Variants in BAZ1B observed in about 807,000 individuals in gnomAD.
BAZ1B encodes bromodomain adjacent to zinc finger domain 1B.
BAZ1B carries 22 observed loss-of-function variants against 153.8 expected under a neutral mutation model. The ratio of observed to expected loss-of-function variants is 0.14; its 90% CI spans 0.10 to 0.20. BAZ1B has a LOEUF of 0.20. Ranked by LOEUF, BAZ1B falls within the 10% of genes least tolerant of loss-of-function variation. The probability of loss-of-function intolerance (pLI) is 1.00; values close to 1 mark genes in which losing one functional copy is unlikely to be tolerated. For missense variants in BAZ1B, 1,325 were observed against 1,799.3 expected (o/e 0.74, Z 4.77); for synonymous variants, 676 against 633.4 (o/e 1.07, Z -1.01).
chr7:73,444,733 G>C (rs1554565983), intron 16 of BAZ1B, among the ~76,000 whole-genome samples: 1 of 152,128 alleles, frequency 6.6e-6, no homozygotes, highest in East Asian at 1.9e-4. Flanking sequence ...AAAGAATATA[G>C]GCCGGGCGTT....
At chr7:73,448,446 A>G (rs782236556) in intron 15 of BAZ1B, among the ~76,000 whole-genome samples, 1 of 152,196 alleles carries the variant, frequency 6.6e-6, no homozygotes, top group Non-Finnish European at 1.5e-5. Context: ...ATTGAGATTC[A>G]AGTAAAAAAA....
Position 73,476,574 on chromosome 7 carries a change from A to C in BAZ1B, c.2593+294T>G, listed in dbSNP as rs75991295. On this transcript the variant is annotated intron_variant, in intron 7 of 19. Transcript: ENST00000339594. ...CTGAACCCAGGTCAGTCAACTCCCA[A>C]GTCCTATGTTGTTTCCACTATTTCT... Among the ~76,000 whole-genome samples, 662 of 152,332 alleles carry C rather than the reference A, an allele frequency of 4.3e-3. 17 individuals are homozygous for C. The East Asian group carries it at 0.087, about 20-fold the overall frequency.
intron 1 of BAZ1B, 81 bp downstream of exon 1, chr7:73,521,746 G>T: frequency 2.4e-6 from 3 of 1,247,396 alleles, no homozygotes; most frequent in South Asian, 1.5e-5. Context: ...GGGGATGCGC[G>T]GCTGACCTGG....
Position 73,452,614 on chromosome 7 carries a change from C to T in BAZ1B, c.3433-1620G>A, listed in dbSNP as rs544750080. Among the ~76,000 whole-genome samples, 4 of 151,072 alleles carry T rather than the reference C, an allele frequency of 2.6e-5. No homozygotes were observed. In the East Asian group the frequency reaches 5.9e-4, roughly 22 times the overall value. ...ATGTGTGCCTGTAGTCCCAGCTACT[C>T]GGGAGACTGAGGCAGGAGAATTGCT... On this transcript the variant is annotated intron_variant, in intron 13 of 19. Transcript: ENST00000339594.
intron 7 of BAZ1B, among the ~76,000 whole-genome samples, chr7:73,474,964 C>A (rs1788944458): frequency 6.6e-6 from 1 of 152,074 alleles, no homozygotes; most frequent in Non-Finnish European, 1.5e-5. Context: ...CCAGGAGACA[C>A]ATGAAAAGAT....
At chr7:73,445,409 G>A (rs781862734) in intron 16 of BAZ1B, among the ~76,000 whole-genome samples, 19 of 152,138 alleles carry the variant, frequency 1.2e-4, no homozygotes, top group Non-Finnish European at 1.9e-4. Flanking sequence ...GAAAGATAGA[G>A]TTGACAAAAA....
intron 1 of BAZ1B, among the ~76,000 whole-genome samples, chr7:73,515,530 CCTTTT>C (rs1790763120): frequency 1.4e-5 from 2 of 139,436 alleles, no homozygotes; most frequent in Non-Finnish European, 3.1e-5. Context: ...CAGCCTTGTT[CCTTTT>C]TTTTTTTTTT....
intron 11 of BAZ1B, 140 bp from the exon 12 acceptor site, chr7:73,463,239 CTTT>C (rs11340027): frequency 9.6e-3 from 4,406 of 459,534 alleles, no homozygotes; most frequent in East Asian, 0.013. Flanking sequence ...TTTCTTTTTT[CTTT>C]TTTTTTTTTT....
chr7:73,473,091 G>A (rs1250296792), intron 7 of BAZ1B, among the ~76,000 whole-genome samples: 2 of 152,064 alleles, frequency 1.3e-5, no homozygotes, highest in Non-Finnish European at 1.5e-5. Context: ...ACAGGCATGC[G>A]CCACCATGCC....
intron 1 of BAZ1B, among the ~76,000 whole-genome samples, chr7:73,514,852 T>A (rs1484836003): frequency 2.0e-5 from 3 of 151,408 alleles, no homozygotes; most frequent in African/African-American, 7.3e-5. Context: ...GAGGCTGAAG[T>A]GGGTGGATCA....
At chr7:73,469,995 C>T (rs570737732) in intron 8 of BAZ1B, among the ~76,000 whole-genome samples, 64 of 152,258 alleles carry the variant, frequency 4.2e-4, no homozygotes, top group African/African-American at 1.5e-3. Flanking sequence ...GTGTGAACCA[C>T]CACGCCCAGC....
chr7:73,500,673 C>G (rs1319487936), intron 3 of BAZ1B, among the ~76,000 whole-genome samples: 5 of 151,674 alleles, frequency 3.3e-5, no homozygotes, highest in African/African-American at 1.2e-4. Context: ...GGTGGGTCAC[C>G]TGAAGTCAGG....
Position 73,489,395 on chromosome 7 carries a change from G to C in BAZ1B, c.694-4C>G, listed in dbSNP as rs782401373. 1.2e-6 allele frequency: 2 copies of C among 1,613,878 alleles called. No homozygotes were observed. Among genetic ancestry groups the C allele is most frequent in the Non-Finnish European group, 1.7e-6 (2 of 1,179,944 alleles). Reference sequence around the variant, plus strand: ...CTGCTGGCACGTTACTGATGATCTAGGTTAAAAAGAAACAAATAACTCACC... The same window carrying C: ...CTGCTGGCACGTTACTGATGATCTACGTTAAAAAGAAACAAATAACTCACC... On this transcript the variant is annotated splice_region_variant and splice_polypyrimidine_tract_variant and intron_variant, in intron 5 of 19. Coordinates refer to ENST00000339594, the MANE Select transcript of BAZ1B (RefSeq NM_032408.4).
intron 7 of BAZ1B, among the ~76,000 whole-genome samples, chr7:73,474,344 T>C (rs1023142100): frequency 2.0e-5 from 3 of 151,972 alleles, no homozygotes; most frequent in Admixed American, 6.6e-5. Context: ...AAAACAGGAG[T>C]AAATCTTCAT....
At chr7:73,471,130 T>A (rs535383194) in intron 7 of BAZ1B, among the ~76,000 whole-genome samples, 1 of 152,196 alleles carries the variant, frequency 6.6e-6, no homozygotes, top group African/African-American at 2.4e-5. Context: ...CAGGTGCACC[T>A]ACAGGATCCT....
chr7:73,446,689 G>A (rs1054162690), intron 16 of BAZ1B, among the ~76,000 whole-genome samples: 4 of 152,106 alleles, frequency 2.6e-5, no homozygotes, highest in East Asian at 1.9e-4. Context: ...GAGTCAATGC[G>A]GTGAACACAA....
intron 5 of BAZ1B, 117 bp from the exon 6 acceptor site, chr7:73,489,508 T>A: frequency 9.8e-7 from 1 of 1,019,622 alleles, no homozygotes; most frequent in Admixed American, 2.4e-5. Flanking sequence ...TCAACAGGGC[T>A]ACAAATTAGA....
Position 73,513,730 on chromosome 7 carries a change from A to G in BAZ1B, c.108-2878T>C, listed in dbSNP as rs139370543. Among the ~76,000 whole-genome samples the G allele has an allele frequency of 2.8e-3, 426 of 152,280 alleles. 2 individuals are homozygous for G. The highest frequency in any genetic ancestry group is 0.01 in the African/African-American group (416 of 41,554). Reference sequence around the variant, plus strand: ...AAGCTTGATAACATTCTAACACATTATTTAGCCATATTTAAGAAGCTCCAA... The same window carrying G: ...AAGCTTGATAACATTCTAACACATTGTTTAGCCATATTTAAGAAGCTCCAA... On this transcript the variant is annotated intron_variant, in intron 1 of 19. Coordinates refer to ENST00000339594, the MANE Select transcript of BAZ1B (RefSeq NM_032408.4).
intron 6 of BAZ1B, among the ~76,000 whole-genome samples, chr7:73,482,394 A>G (rs1432214305): frequency 6.6e-6 from 1 of 152,212 alleles, no homozygotes; most frequent in Non-Finnish European, 1.5e-5. Flanking sequence ...GCCCCCAAAA[A>G]GTTAACAACC....
Sources: gnomAD v4.1 joint callset for allele counts (sites outside exome capture counted in the v4.1 genomes callset) on GRCh38, gnomAD v4.1.1 for gene constraint, MANE v1.5 for transcripts, NCBI Gene and HGNC (gene_info 2026-07-23, HGNC 2026-07-21) for gene names.